The following SYT1 variants were observed in gnomAD, a reference collection of about 807,000 sequenced individuals.
SYT1 encodes the protein synaptotagmin-1.
SYT1 carries 8 observed loss-of-function variants against 44.8 expected under a neutral mutation model. The ratio of observed to expected loss-of-function variants is 0.18; its 90% confidence interval spans 0.10 to 0.32. The LOEUF is 0.32. Ranked by LOEUF, SYT1 falls within the 10% of genes least tolerant of loss-of-function variation. The probability of loss-of-function intolerance (pLI) is 1.00; values close to 1 mark genes in which losing one functional copy is unlikely to be tolerated. For synonymous variants in SYT1, 154 were observed against 188.8 expected, an observed-to-expected ratio of 0.82 and a Z score of 1.51; for missense variants, 286 against 509.3, an observed-to-expected ratio of 0.56 and a Z score of 4.22.
rs754032765 is a variant in SYT1 at position 79,296,050 on chromosome 12, AT to A, written c.475-17del. The A allele has an allele frequency of 9.4e-6, 15 of 1,603,464 alleles. No individual in the cohort carries two copies. The highest frequency in any genetic ancestry group is 1.3e-5 in the Non-Finnish European group (15 of 1,176,024). On this transcript the variant is annotated intron_variant, in intron 6 of 10. Coordinates refer to ENST00000261205, the MANE Select transcript of SYT1 (RefSeq NM_005639.3). ...GTCCACTGATATTTATGTATGCTGT[AT>A]TCTGTCATTTATTTCAGCTGCTGGT...
intron 9 of SYT1, among the ~76,000 whole-genome samples, chr12:79,380,302 TGCAATTTGAGTGTGTTCCTCAA>T (rs1368594152): frequency 6.6e-6 from 1 of 152,248 alleles, no homozygotes; most frequent in Non-Finnish European, 1.5e-5. Flanking sequence ...CTGACAAAGA[TGCAATTTGAGTGTGTTCCTCAA>T]GCACATTCAT....
At chr12:78,927,446 C>A (rs541695206) in intron 1 of SYT1, among the ~76,000 whole-genome samples, 1 of 152,202 alleles carries the variant, frequency 6.6e-6, no homozygotes, top group South Asian at 2.1e-4. Flanking sequence ...TAGTGTGCGT[C>A]ATTTAAAAAA....
At chr12:79,358,289 G>T (rs535063694) in intron 9 of SYT1, among the ~76,000 whole-genome samples, 6 of 152,112 alleles carry the variant, frequency 3.9e-5, no homozygotes, top group Non-Finnish European at 7.4e-5. Flanking sequence ...AGTGATTATA[G>T]CTTTTAAATT....
In SYT1 at chr12:79,296,212, C is replaced by G. The variant is rs1879866624; in HGVS notation, c.618C>G (p.Val206=). The G allele has an allele frequency of 6.2e-7, 1 of 1,611,946 alleles. No individual in the cohort carries two copies. Among genetic ancestry groups the G allele is most frequent in the Non-Finnish European group, 8.5e-7 (1 of 1,179,418 alleles). ...TCCACCGAAAAACCCTTAATCCTGTCTTCAATGAGCAATTTACTTTCAAGG... is the reference window on the plus strand; with the variant it reads ...TCCACCGAAAAACCCTTAATCCTGTGTTCAATGAGCAATTTACTTTCAAGG... ...TKVHRKTLNP[V]FNEQFTFKVP... Residue 206 remains valine (V), a synonymous_variant, in exon 7 of 11, where the codon GTC becomes GTG. Coordinates refer to ENST00000261205, the MANE Select transcript of SYT1 (RefSeq NM_005639.3).
chr12:79,358,150 G>A (rs575976406), intron 9 of SYT1, among the ~76,000 whole-genome samples: 24 of 152,158 alleles, frequency 1.6e-4, no homozygotes, highest in African/African-American at 5.3e-4. Context: ...GCTTTAATGA[G>A]GAATGTCAAC....
At chr12:79,384,204 A>G (rs577521928) in intron 9 of SYT1, among the ~76,000 whole-genome samples, 3 of 152,290 alleles carry the variant, frequency 2.0e-5, no homozygotes, top group Admixed American at 1.3e-4. Flanking sequence ...GAAAATATCC[A>G]GCAGATTCAA....
At chr12:79,412,317 C>G (rs559681200) in intron 9 of SYT1, among the ~76,000 whole-genome samples, 1 of 152,064 alleles carries the variant, frequency 6.6e-6, no homozygotes, top group African/African-American at 2.4e-5. Context: ...TCTTCCCTTA[C>G]CAGTCAAGTG....
At chr12:79,361,254 A>T (rs1265067146) in intron 9 of SYT1, among the ~76,000 whole-genome samples, 1 of 152,184 alleles carries the variant, frequency 6.6e-6, no homozygotes, top group Non-Finnish European at 1.5e-5. Flanking sequence ...TATGAGGTAG[A>T]TACTATTTTT....
intron 10 of SYT1, 76 bp downstream of exon 10, chr12:79,444,282 G>A: frequency 6.4e-7 from 1 of 1,561,994 alleles, no homozygotes; most frequent in Non-Finnish European, 8.7e-7. Context: ...CACAGACCTT[G>A]TAAGTTATCA....
intron 2 of SYT1, among the ~76,000 whole-genome samples, chr12:78,981,526 A>C (rs1199848485): frequency 2.0e-5 from 3 of 152,186 alleles, no homozygotes; most frequent in Non-Finnish European, 2.9e-5. Flanking sequence ...GCGAGCATGC[A>C]TGCTAACTCA....
chr12:79,045,599 G>C (rs899867305), intron 2 of SYT1: 1 of 153,774 alleles, frequency 6.5e-6, no homozygotes, highest in Non-Finnish European at 1.4e-5. Context: ...ACTCACGCTG[G>C]GAGCTGTAGA....
intron 2 of SYT1, among the ~76,000 whole-genome samples, chr12:79,013,433 G>T (rs771910994): frequency 6.6e-6 from 1 of 152,140 alleles, no homozygotes; most frequent in Non-Finnish European, 1.5e-5. Flanking sequence ...CTCCAAGAGG[G>T]ATTAACTGTT....
intron 4 of SYT1, among the ~76,000 whole-genome samples, chr12:79,249,088 CTT>C (rs58983623): frequency 1.3e-4 from 9 of 71,814 alleles, no homozygotes; most frequent in African/African-American, 3.1e-4. Flanking sequence ...TTACCTCTTT[CTT>C]TTTTTTTTTT....
intron 3 of SYT1, among the ~76,000 whole-genome samples, chr12:79,064,253 G>A (rs567438819): frequency 6.6e-6 from 1 of 152,092 alleles, no homozygotes; most frequent in African/African-American, 2.4e-5. Context: ...AAAGGAAAGA[G>A]GGAGTAAGGA....
At chr12:79,178,295 A>G (rs998578277) in intron 3 of SYT1, among the ~76,000 whole-genome samples, 7 of 152,024 alleles carry the variant, frequency 4.6e-5, no homozygotes, top group Admixed American at 2.0e-4. Flanking sequence ...ACTTAATAGT[A>G]TCACTCAGCC....
At chr12:78,945,468 C>CTA (rs35939696) in intron 1 of SYT1, among the ~76,000 whole-genome samples, 5,059 of 146,114 alleles carry the variant, frequency 0.035, 103 homozygotes, top group Non-Finnish European at 0.043. Flanking sequence ...TTATGTGTGT[C>CTA]TATATATATA....
At chr12:79,205,207 C>T (rs1015874411) in intron 3 of SYT1, among the ~76,000 whole-genome samples, 2 of 152,040 alleles carry the variant, frequency 1.3e-5, no homozygotes, top group Non-Finnish European at 1.5e-5. Context: ...CGTGATCTGC[C>T]CGCCTCGGCC....
intron 3 of SYT1, among the ~76,000 whole-genome samples, chr12:79,187,202 C>T (rs1872851119): frequency 6.6e-6 from 1 of 151,998 alleles, no homozygotes; most frequent in Non-Finnish European, 1.5e-5. Flanking sequence ...AGTGGCAATA[C>T]ACCAGCGAAG....
intron 1 of SYT1, among the ~76,000 whole-genome samples, chr12:78,888,546 C>T (rs975035364): frequency 3.3e-5 from 5 of 151,798 alleles, no homozygotes; most frequent in African/African-American, 4.8e-5. Context: ...TGTTTAGCAC[C>T]GTGCTGGACA....
Sources: allele counts gnomAD v4.1 joint callset (sites outside exome capture counted in the v4.1 genomes callset), GRCh38; gene constraint gnomAD v4.1.1; transcripts MANE v1.5; gene names NCBI Gene and HGNC (gene_info 2026-07-23, HGNC 2026-07-21).